TRPC5: variants seen among roughly 807,000 people sequenced by gnomAD.
TRPC5 encodes the protein short transient receptor potential channel 5.
In TRPC5, 9 loss-of-function variants were observed where a neutral mutation model predicts 56.5. The observed-to-expected ratio is 0.16, with a 90% CI of 0.10 to 0.28. The LOEUF is 0.28. TRPC5 is among the 10% of genes least tolerant of loss of function. The probability of loss-of-function intolerance (pLI) is 1.00; values close to 1 mark genes in which losing one functional copy is unlikely to be tolerated. For missense variants in TRPC5, 469 were observed against 748.9 expected, an observed-to-expected ratio of 0.63 and a Z score of 4.36; for synonymous variants, 282 against 278.5, an observed-to-expected ratio of 1.01 and a Z score of -0.13.
At chrX:112,032,178 A>G (rs1014318497) in intron 1 of TRPC5, among the ~76,000 whole-genome samples, 3 of 111,036 alleles carry the variant, frequency 2.7e-5, no homozygotes, top group Non-Finnish European at 5.7e-5. Context: ...GGAAATGCAA[A>G]TAAAAACTAC....
At chrX:111,969,258 A>G (rs1367179947) in intron 1 of TRPC5, among the ~76,000 whole-genome samples, 1 of 111,742 alleles carries the variant, frequency 8.9e-6, no homozygotes, top group African/African-American at 3.2e-5. Context: ...GTTTTTTAAC[A>G]TAATGTTATT....
chrX:111,874,078 C>T (rs1211774352), intron 3 of TRPC5, among the ~76,000 whole-genome samples: 1 of 111,892 alleles, frequency 8.9e-6, no homozygotes. Context: ...CATCTGTTTC[C>T]AGGTAAGACC....
chrX:112,054,436 T>C (rs1375379421), intron 1 of TRPC5, among the ~76,000 whole-genome samples: 3 of 110,863 alleles, frequency 2.7e-5, no homozygotes, highest in African/African-American at 9.8e-5. Flanking sequence ...TGTAACTCAA[T>C]AGGTAATAGG....
Position 111,787,429 on chromosome X carries a change from C to T in TRPC5, c.1897-5291G>A, listed in dbSNP as rs188400138. Among the ~76,000 whole-genome samples, 1,033 of 111,122 alleles carry T rather than the reference C, an allele frequency of 9.3e-3. 9 individuals are homozygous for T. The highest frequency in any genetic ancestry group is 0.014 in the Non-Finnish European group (718 of 53,054). ...GCAGTGTGTAGAGGGAAATTTATAG[C>T]GCTAAATGCCCACAAGAGAAAGCAG... On this transcript the variant is annotated intron_variant, in intron 7 of 10. Coordinates refer to ENST00000262839, the MANE Select transcript of TRPC5 (RefSeq NM_012471.3).
At chrX:111,811,077 C>T (rs1459312488) in intron 7 of TRPC5, among the ~76,000 whole-genome samples, 2 of 111,454 alleles carry the variant, frequency 1.8e-5, no homozygotes, top group Non-Finnish European at 3.8e-5. Flanking sequence ...ACTTTCTTCC[C>T]CTGAAGAAGA....
intron 1 of TRPC5, among the ~76,000 whole-genome samples, chrX:112,040,827 T>C (rs1395729213): frequency 8.9e-6 from 1 of 112,029 alleles, no homozygotes; most frequent in African/African-American, 3.2e-5. Flanking sequence ...CACAAGAATA[T>C]ACTCTGAGAC....
intron 6 of TRPC5, among the ~76,000 whole-genome samples, chrX:111,842,101 G>GTGTGTATATATATATATTTTATATATA (rs1922758536): frequency 1.1e-5 from 1 of 88,272 alleles, no homozygotes; most frequent in African/African-American, 6.6e-5. Flanking sequence ...ATATATGTAT[G>GTGTGTATATATATATATTTTATATATA]TGTGTATATA....
Position 111,776,801 on chromosome X carries a change from G to A in TRPC5, c.2434C>T (p.Pro812Ser). ...GCKKKTCHGP[P>S]LIRTMPRSSG... The stretch of plus-strand genomic sequence containing the variant: ...GACCTTGGCATGGTTCTGATGAGAG[G>A]TGGCCCATGGCAAGTCTTTTTCTTG... The change falls in exon 11 of 11, where the codon CCT becomes TCT. Residue 812 changes from proline to serine, a missense_variant. Physicochemically the swap from Pro to Ser is moderately conservative, Grantham distance 74. Around this residue, in one of 3 missense-constraint regions of TRPC5, gnomAD observed 194 missense variants for 221.8 expected, o/e 0.87. Coordinates refer to ENST00000262839, the MANE Select transcript of TRPC5 (RefSeq NM_012471.3). 1 of 1,209,628 alleles carries A rather than the reference G, an allele frequency of 8.3e-7. No homozygotes were observed.
chrX:111,769,893 T>C lies in TRPC5; in HGVS notation c.*6420A>G, dbSNP rs983515104. On this transcript the variant is annotated 3_prime_UTR_variant, in exon 11 of 11. Coordinates refer to ENST00000262839, the MANE Select transcript of TRPC5 (RefSeq NM_012471.3). ...CTAAATTCCTAAAAATTTAATCTTA[T>C]AGGATCATGATTTTCTACCATTGAG... Among the ~76,000 whole-genome samples, 4 of 111,869 alleles carry C rather than the reference T, an allele frequency of 3.6e-5. No individual in the cohort carries two copies. Among genetic ancestry groups the C allele is most frequent in the Non-Finnish European group, 5.6e-5 (3 of 53,127 alleles).
At chrX:111,976,077 C>G (rs886855162) in intron 1 of TRPC5, among the ~76,000 whole-genome samples, 1 of 111,689 alleles carries the variant, frequency 9.0e-6, no homozygotes, top group Non-Finnish European at 1.9e-5. Context: ...TCAATAGATA[C>G]AGAAAAATTT....
intron 1 of TRPC5, among the ~76,000 whole-genome samples, chrX:111,963,164 C>A (rs1927438453): frequency 8.9e-6 from 1 of 112,189 alleles, no homozygotes; most frequent in African/African-American, 3.2e-5. Flanking sequence ...AAATGGCACA[C>A]CAGGAGATTA....
chrX:111,846,797 A>T (rs774336014), intron 6 of TRPC5, among the ~76,000 whole-genome samples: 19 of 111,850 alleles, frequency 1.7e-4, no homozygotes, highest in Non-Finnish European at 3.2e-4. Context: ...TATCTACCTC[A>T]CCCCAATTAA....
At chrX:111,873,992 A>C (rs1194018010) in intron 3 of TRPC5, among the ~76,000 whole-genome samples, 3 of 111,135 alleles carry the variant, frequency 2.7e-5, no homozygotes, top group Non-Finnish European at 5.7e-5. Flanking sequence ...TCTTGCCCTC[A>C]CCACACATTC....
intron 7 of TRPC5, among the ~76,000 whole-genome samples, chrX:111,813,750 A>G (rs1416103208): frequency 8.9e-6 from 1 of 112,339 alleles, no homozygotes; most frequent in Non-Finnish European, 1.9e-5. Flanking sequence ...TTGGAGAGAT[A>G]TTTTGGGCAG....
intron 7 of TRPC5, among the ~76,000 whole-genome samples, chrX:111,807,954 CTCTGTGTGTGTGTGTG>C (rs1411539889): frequency 2.3e-5 from 2 of 85,409 alleles, no homozygotes; most frequent in East Asian, 3.0e-4. Context: ...CTCTCTCTCT[CTCTGTGTGTGTGTGTG>C]TGTGTGTGTG....
intron 7 of TRPC5, among the ~76,000 whole-genome samples, chrX:111,783,612 T>C (rs187913618): frequency 3.6e-5 from 4 of 110,169 alleles, no homozygotes; most frequent in Admixed American, 9.8e-5. Flanking sequence ...ATTTTTATTA[T>C]ATATATGTAA....
At chrX:111,965,760 T>C (rs1927545550) in intron 1 of TRPC5, among the ~76,000 whole-genome samples, 1 of 111,866 alleles carries the variant, frequency 8.9e-6, no homozygotes, top group East Asian at 2.8e-4. Context: ...GAAATAAAGA[T>C]GTTCTTTGAA....
chrX:112,075,380 G>T (rs746332446), intron 1 of TRPC5, among the ~76,000 whole-genome samples: 1 of 111,153 alleles, frequency 9.0e-6, no homozygotes, highest in Non-Finnish European at 1.9e-5. Context: ...TGTTAAATGG[G>T]AATAATAATA....
chrX:111,803,679 G>A (rs957056425), intron 7 of TRPC5, among the ~76,000 whole-genome samples: 3 of 111,500 alleles, frequency 2.7e-5, no homozygotes, highest in Admixed American at 9.5e-5. Context: ...TATCCTTTGC[G>A]AACTTTTTGA....
Sources: gnomAD v4.1 joint callset for allele counts (sites outside exome capture counted in the v4.1 genomes callset) on GRCh38, gnomAD v4.1.1 for gene constraint, gnomAD v4.1.1 regional missense constraint, MANE v1.5 for transcripts, NCBI Gene and HGNC (gene_info 2026-07-23, HGNC 2026-07-21) for gene names.